Variants in C2orf92 observed in about 807,000 individuals in gnomAD.
C2orf92 encodes the protein chromosome 2 open reading frame 92.
intron 5 of C2orf92, among the ~76,000 whole-genome samples, chr2:97,694,149 A>G (rs1184936243): frequency 6.6e-6 from 1 of 152,176 alleles, no homozygotes; most frequent in Non-Finnish European, 1.5e-5. Context: ...CGTAAGTGCA[A>G]TCATACAGTA....
chr2:97,681,032 G>A (rs1675754120), intron 3 of C2orf92, among the ~76,000 whole-genome samples: 1 of 150,516 alleles, frequency 6.6e-6, no homozygotes, highest in South Asian at 2.1e-4. Flanking sequence ...ACTTGAACCA[G>A]GGAGGCAGAG....
chr2:97,674,994 T>A (rs958108447), intron 2 of C2orf92, among the ~76,000 whole-genome samples: 2 of 152,160 alleles, frequency 1.3e-5, no homozygotes, highest in African/African-American at 4.8e-5. Flanking sequence ...TCCCTCCCTG[T>A]CACCTCTGCC....
rs1268577249 is a variant in C2orf92 at position 97,669,761 on chromosome 2, C to T, written c.-28C>T. The T allele has an allele frequency of 7.5e-6, 3 of 398,686 alleles. No individual in the cohort carries two copies. Among genetic ancestry groups the T allele is most frequent in the Non-Finnish European group, 1.3e-5 (3 of 226,130 alleles). The allele number at this position is 398,686 out of a possible 1,614,324, so 24.7% of individuals were successfully genotyped here. On this transcript the variant is annotated 5_prime_UTR_variant, in exon 1 of 8. Transcript: ENST00000627399. ...AAGGGCCATCAGAAGACTGGCTTCTCCATGATGGTTTATGGACTAAGGCAA... is the reference window on the plus strand; with the variant it reads ...AAGGGCCATCAGAAGACTGGCTTCTTCATGATGGTTTATGGACTAAGGCAA...
chr2:97,686,859 T>TA (rs930508547), intron 3 of C2orf92, among the ~76,000 whole-genome samples: 4 of 151,264 alleles, frequency 2.6e-5, no homozygotes, highest in East Asian at 3.9e-4. Context: ...TACTAAAAAT[T>TA]AAAAAAAAAT....
rs2104603635 is a variant in C2orf92 at position 97,698,553 on chromosome 2, C to G, written c.404-473C>G. 2.0e-5 allele frequency among the ~76,000 whole-genome samples: 3 copies of G among 152,240 alleles called. 1 individual carries two copies. The South Asian group carries it at 6.2e-4, about 32-fold the overall frequency. ...AAAAATTATTTTCATGAACATTGTA[C>G]AATCTGTGAAGTAGGTCTCATTATC... On this transcript the variant is annotated intron_variant, in intron 5 of 7. Coordinates refer to ENST00000627399, the MANE Select transcript of C2orf92 (RefSeq NM_001351368.2).
At chr2:97,691,853 A>T (rs1676150301) in intron 5 of C2orf92, among the ~76,000 whole-genome samples, 1 of 152,120 alleles carries the variant, frequency 6.6e-6, no homozygotes, top group Non-Finnish European at 1.5e-5. Context: ...GCGCCACTGC[A>T]CTCCAGCCTG....
At chr2:97,667,458 A>T (rs1401985708), upstream of C2orf92, among the ~76,000 whole-genome samples, 4 of 119,412 alleles carry the variant, frequency 3.3e-5, no homozygotes, top group Admixed American at 3.8e-4. Context: ...TTTGAGATGG[A>T]GTCTCACTCT....
intron 3 of C2orf92, among the ~76,000 whole-genome samples, chr2:97,680,862 C>A (rs1397627936): frequency 6.6e-6 from 1 of 151,866 alleles, no homozygotes. Context: ...GGAGGTGGAG[C>A]TTGCAGTGGG....
At chr2:97,684,936 A>T (rs574351637) in intron 3 of C2orf92, among the ~76,000 whole-genome samples, 102 of 150,416 alleles carry the variant, frequency 6.8e-4, no homozygotes, top group African/African-American at 2.1e-3. Context: ...TTTTATTTTT[A>T]TTTTTATTTT....
At chr2:97,699,570 A>C (rs1460097430) in intron 6 of C2orf92, among the ~76,000 whole-genome samples, 3 of 152,132 alleles carry the variant, frequency 2.0e-5, no homozygotes, top group Non-Finnish European at 4.4e-5. Flanking sequence ...GCACCATTGC[A>C]CTCCAGCCTG....
chr2:97,688,160 A>G (rs930143750), intron 3 of C2orf92, among the ~76,000 whole-genome samples: 1 of 151,968 alleles, frequency 6.6e-6, no homozygotes, highest in Non-Finnish European at 1.5e-5. Context: ...GTAGGTCAGC[A>G]TGGTCATCAA....
intron 1 of C2orf92, chr2:97,670,362 C>T (rs566195643): frequency 3.3e-5 from 5 of 151,888 alleles, no homozygotes; most frequent in East Asian, 1.9e-4. Flanking sequence ...CATGGTGATG[C>T]GTGCGTGTGG....
At chr2:97,675,395 A>T (rs1675541776) in intron 2 of C2orf92, among the ~76,000 whole-genome samples, 1 of 152,244 alleles carries the variant, frequency 6.6e-6, no homozygotes, top group African/African-American at 2.4e-5. Context: ...CTTGGCAGAT[A>T]CATTTTGAGG....
chr2:97,663,986 C>A, upstream of C2orf92: 2 of 755,462 alleles, frequency 2.6e-6, no homozygotes, highest in Non-Finnish European at 3.6e-6. Context: ...GCTCCCGACG[C>A]GGCGCCGCTG....
intron 1 of C2orf92, chr2:97,671,565 T>G: frequency 2.5e-6 from 1 of 398,600 alleles, no homozygotes; most frequent in Non-Finnish European, 4.4e-6. Context: ...TGGTCCTCAT[T>G]GTCTCCCAGG....
intron 1 of C2orf92, among the ~76,000 whole-genome samples, chr2:97,672,851 G>A (rs1195189458): frequency 9.9e-5 from 15 of 152,086 alleles, no homozygotes; most frequent in Admixed American, 9.8e-4. Context: ...CAAGCGAGTG[G>A]AAACCACCGA....
rs571031263 is a variant in C2orf92 at position 97,676,070 on chromosome 2, A to G, written c.232+142A>G. On this transcript the variant is annotated intron_variant, in intron 3 of 7. Coordinates refer to ENST00000627399, the MANE Select transcript of C2orf92 (RefSeq NM_001351368.2). ...CCTTGAGGCTAGAATCTGTTTCTCT[A>G]TGAGTCAAAACCTCGATAAATTAAG... The G allele has an allele frequency of 2.5e-5, 10 of 397,328 alleles. No individual in the cohort carries two copies. In the East Asian group the frequency reaches 2.9e-4, roughly 11 times the overall value. 24.6% of individuals were successfully genotyped at this position (397,328 alleles called of 1,614,324 possible).
chr2:97,675,782 T>A (rs1490128414), intron 2 of C2orf92, 63 bp from the exon 3 acceptor site: 1 of 398,886 alleles, frequency 2.5e-6, no homozygotes, highest in Non-Finnish European at 4.4e-6. Flanking sequence ...AGTATCAATC[T>A]GAAGGGAACA....
At chr2:97,686,581 C>T (rs941280394) in intron 3 of C2orf92, among the ~76,000 whole-genome samples, 7 of 152,168 alleles carry the variant, frequency 4.6e-5, no homozygotes, top group South Asian at 2.1e-4. Context: ...TACCATGCCC[C>T]GCTAATTTTT....
Sources: allele counts gnomAD v4.1 joint callset (sites outside exome capture counted in the v4.1 genomes callset), GRCh38; gene constraint gnomAD v4.1.1; transcripts MANE v1.5; gene names NCBI Gene and HGNC (gene_info 2026-07-23, HGNC 2026-07-21).